TBC1D5: variants seen among roughly 807,000 people sequenced by gnomAD.
The protein encoded by TBC1D5 is TBC1 domain family member 5.
In TBC1D5, 75 loss-of-function variants were observed where a neutral mutation model predicts 100.3. The ratio of observed to expected loss-of-function variants is 0.75; its 90% CI spans 0.62 to 0.91. The LOEUF (loss-of-function observed/expected upper bound fraction) is 0.91. Ranked by LOEUF, TBC1D5 falls within the 40% of genes least tolerant of loss-of-function variation. TBC1D5 has a pLI of 0.00. For synonymous variants in TBC1D5, 323 were observed against 325.6 expected (o/e 0.99, Z 0.09); for missense variants, 910 against 942.4 (o/e 0.97, Z 0.45).
intron 4 of TBC1D5, among the ~76,000 whole-genome samples, chr3:17,423,453 G>A (rs2094264361): frequency 6.6e-6 from 1 of 152,032 alleles, no homozygotes; most frequent in Admixed American, 6.6e-5. Flanking sequence ...TAGCATTCAA[G>A]TAACTTTTGT....
At chr3:17,637,333 C>T (rs1396429230) in intron 1 of TBC1D5, among the ~76,000 whole-genome samples, 5 of 150,578 alleles carry the variant, frequency 3.3e-5, no homozygotes, top group Non-Finnish European at 7.4e-5. Context: ...TGAGCCACCA[C>T]ACCTGGCCCC....
At position 17,394,946 on chromosome 3, in the gene TBC1D5, G is replaced by GA. The variant is rs35965744; in HGVS notation, c.509+8234dup. On this transcript the variant is annotated intron_variant, in intron 8 of 21. Coordinates refer to ENST00000253692, the Ensembl canonical transcript of TBC1D5. ...AGGTGAATACAGAATTTTTTAAAGT[G>GA]AAAAAAAAAAGGAAGTAGTAATTTA... Among the ~76,000 whole-genome samples, 84 of 144,766 alleles carry GA rather than the reference G, an allele frequency of 5.8e-4. No individual in the cohort carries two copies. In the South Asian group the frequency reaches 9.0e-3, roughly 16 times the overall value. The allele number at this position is 144,766 out of a possible 152,430, so 95.0% of individuals were successfully genotyped here. A position where few individuals can be genotyped will look rare whatever the true frequency, so the allele number is the denominator to read the frequency against.
chr3:17,613,888 T>G (rs184713021), intron 2 of TBC1D5, among the ~76,000 whole-genome samples: 2 of 152,364 alleles, frequency 1.3e-5, no homozygotes, highest in East Asian at 1.9e-4. Context: ...CTTTTTAGTT[T>G]AATTAGATCC....
intron 3 of TBC1D5, among the ~76,000 whole-genome samples, chr3:17,492,247 AT>A (rs72534318): frequency 5.9e-5 from 9 of 151,648 alleles, no homozygotes; most frequent in African/African-American, 1.2e-4. Context: ...GGATTCACTG[AT>A]TTTTTTTGAA....
At chr3:17,161,406 G>T in intron 21 of TBC1D5, 150 bp from the exon 23 acceptor site, 1 of 869,120 alleles carries the variant, frequency 1.2e-6, no homozygotes, top group Non-Finnish European at 1.7e-6. Flanking sequence ...TTGGCCTGCT[G>T]CCCTGAAGCC....
At chr3:17,526,465 C>T (rs901115364) in intron 2 of TBC1D5, among the ~76,000 whole-genome samples, 3 of 152,148 alleles carry the variant, frequency 2.0e-5, no homozygotes, top group Admixed American at 1.3e-4. Context: ...AACAATCCTC[C>T]CAACATGAGC....
At chr3:17,548,301 G>A (rs1469061909) in intron 2 of TBC1D5, among the ~76,000 whole-genome samples, 3 of 152,136 alleles carry the variant, frequency 2.0e-5, no homozygotes, top group South Asian at 2.1e-4. Context: ...GCAACAAAGC[G>A]AGACTCGGTC....
chr3:17,696,436 G>A (rs569176714), intron 1 of TBC1D5, among the ~76,000 whole-genome samples: 3 of 152,282 alleles, frequency 2.0e-5, no homozygotes, highest in Non-Finnish European at 4.4e-5. Flanking sequence ...CTATTACACA[G>A]AAATACAAAC....
At chr3:17,510,872 A>G (rs1176034752) in intron 2 of TBC1D5, among the ~76,000 whole-genome samples, 1 of 152,036 alleles carries the variant, frequency 6.6e-6, no homozygotes, top group African/African-American at 2.4e-5. Context: ...TACCATAGAG[A>G]AACTGAGGTA....
chr3:17,238,543 T>C (rs2076061451), intron 16 of TBC1D5, 124 bp from the exon 17 acceptor site: 1 of 1,144,728 alleles, frequency 8.7e-7, no homozygotes, highest in Non-Finnish European at 1.2e-6. Flanking sequence ...ACCAGCTATA[T>C]AAAGTGAGAA....
At chr3:17,667,829 CT>C (rs1417616456) in intron 1 of TBC1D5, among the ~76,000 whole-genome samples, 1 of 151,362 alleles carries the variant, frequency 6.6e-6, no homozygotes, top group East Asian at 1.9e-4. Flanking sequence ...AAGACAAAAC[CT>C]TTTTGTGGAA....
At chr3:17,487,066 T>C (rs1270224813) in intron 3 of TBC1D5, among the ~76,000 whole-genome samples, 7 of 152,284 alleles carry the variant, frequency 4.6e-5, no homozygotes, top group South Asian at 2.1e-4. Context: ...CTAAAGCCAA[T>C]TGGACAAACT....
chr3:17,289,516 C>T (rs532777648), intron 15 of TBC1D5, among the ~76,000 whole-genome samples: 1 of 151,958 alleles, frequency 6.6e-6, no homozygotes, highest in South Asian at 2.1e-4. Flanking sequence ...CACCTGTAGT[C>T]CCAGCTACTC....
intron 1 of TBC1D5, among the ~76,000 whole-genome samples, chr3:17,655,146 G>T (rs927362441): frequency 7.9e-5 from 12 of 151,736 alleles, no homozygotes; most frequent in African/African-American, 1.5e-4. Flanking sequence ...AGGGTTTTTT[G>T]TGTCTCTATT....
At chr3:17,323,898 G>A (rs904776499) in intron 13 of TBC1D5, among the ~76,000 whole-genome samples, 29 of 152,094 alleles carry the variant, frequency 1.9e-4, no homozygotes, top group African/African-American at 7.0e-4. Context: ...CAAAGTTGGA[G>A]GACTCATATT....
intron 2 of TBC1D5, among the ~76,000 whole-genome samples, chr3:17,520,982 C>T (rs2096057890): frequency 6.6e-6 from 1 of 152,102 alleles, no homozygotes; most frequent in East Asian, 1.9e-4. Context: ...CTGGAAAAAA[C>T]TAAAATGTGT....
intron 1 of TBC1D5, among the ~76,000 whole-genome samples, chr3:17,639,444 G>A (rs1221633149): frequency 6.6e-6 from 1 of 151,546 alleles, no homozygotes; most frequent in Non-Finnish European, 1.5e-5. Context: ...GCTGAGTCAT[G>A]GTGACAGCCA....
At chr3:17,633,182 A>T (rs2153679403) in intron 1 of TBC1D5, among the ~76,000 whole-genome samples, 1 of 152,324 alleles carries the variant, frequency 6.6e-6, no homozygotes, top group South Asian at 2.1e-4. Flanking sequence ...CATGCCTGTA[A>T]TCCCAGCACT....
intron 13 of TBC1D5, among the ~76,000 whole-genome samples, chr3:17,340,209 T>A (rs1487301891): frequency 6.6e-6 from 1 of 152,204 alleles, no homozygotes; most frequent in Non-Finnish European, 1.5e-5. Flanking sequence ...GTCCCCTCTA[T>A]ACTGGGAATG....
Sources: gnomAD v4.1 joint callset for allele counts (sites outside exome capture counted in the v4.1 genomes callset) on GRCh38, gnomAD v4.1.1 for gene constraint, MANE v1.5 for transcripts, NCBI Gene and HGNC (gene_info 2026-07-23, HGNC 2026-07-21) for gene names.